BCO1: variants seen among roughly 807,000 people sequenced by gnomAD.
BCO1 encodes beta,beta-carotene 15,15'-dioxygenase.
A neutral mutation model predicts 56.3 loss-of-function variants in BCO1; 54 were observed. The observed-to-expected ratio is 0.96, with a 90% confidence interval of 0.77 to 1.20. The LOEUF is 1.20. Ranked by LOEUF, BCO1 falls within the 50% of genes most tolerant of loss-of-function variation. The probability of loss-of-function intolerance (pLI) is 0.00; values close to 1 mark genes in which losing one functional copy is unlikely to be tolerated. For missense variants in BCO1, 801 were observed against 690.9 expected, an observed-to-expected ratio of 1.16 and a Z score of -1.79; for synonymous variants, 318 against 266.1, an observed-to-expected ratio of 1.20 and a Z score of -1.90.
At position 81,291,123 on chromosome 16, in the gene BCO1, A is replaced by T. The variant is rs1043138793; in HGVS notation, c.*546A>T. On this transcript the variant is annotated 3_prime_UTR_variant, in exon 11 of 11. Coordinates refer to ENST00000258168, the MANE Select transcript of BCO1 (RefSeq NM_017429.3). The stretch of plus-strand genomic sequence containing the variant: ...TGCAAGTCATGGCGTAATATAAAAT[A>T]ATAAAAACTTTAAAGTCTGCTCAGA... 1.3e-5 allele frequency: 2 copies of T among 153,538 alleles called. No homozygotes were observed. Among genetic ancestry groups the T allele is most frequent in the African/African-American group, 2.4e-5 (1 of 41,464 alleles). 9.5% of individuals were successfully genotyped at this position (153,538 alleles called of 1,614,324 possible).
intron 5 of BCO1, among the ~76,000 whole-genome samples, chr16:81,266,880 C>T (rs542093291): frequency 9.9e-5 from 15 of 152,158 alleles, no homozygotes; most frequent in East Asian, 3.8e-4. Flanking sequence ...TTTATAAAGA[C>T]GATAACTATC....
intron 9 of BCO1, 151 bp from the exon 10 acceptor site, chr16:81,287,144 A>C (rs1004909143): frequency 1.4e-6 from 1 of 698,086 alleles, no homozygotes; most frequent in African/African-American, 1.8e-5. Context: ...GGCTGTGCTC[A>C]CCAGAGGTAG....
chr16:81,249,107 T>C (rs2151928703), intron 2 of BCO1, among the ~76,000 whole-genome samples: 1 of 149,550 alleles, frequency 6.7e-6, no homozygotes, highest in East Asian at 1.9e-4. Context: ...TTTTTTTTTT[T>C]TGAGATGGAG....
At chr16:81,289,545 G>T (rs981820577) in intron 10 of BCO1, among the ~76,000 whole-genome samples, 1 of 152,162 alleles carries the variant, frequency 6.6e-6, no homozygotes, top group Non-Finnish European at 1.5e-5. Context: ...GAGGGCTGAA[G>T]TGGGAGGATA....
At position 81,290,497 on chromosome 16, in the gene BCO1, G is replaced by A. The variant is rs372672097; in HGVS notation, c.1564G>A (p.Asp522Asn). The A allele has an allele frequency of 1.9e-6, 3 of 1,614,170 alleles. No individual in the cohort carries two copies. Among genetic ancestry groups the A allele is most frequent in the Non-Finnish European group, 2.5e-6 (3 of 1,180,038 alleles). Residue 522 changes from aspartate (D) to asparagine (N), a missense_variant, in exon 11 of 11, where the codon GAC becomes AAC. Asp to Asn is a conservative substitution (Grantham distance 23, BLOSUM62 1). Coordinates refer to ENST00000258168, the MANE Select transcript of BCO1 (RefSeq NM_017429.3). ...CCATGGATTATTCATTACAGACATG[G>A]ACTGGGACACAAAAAAGCAGGCCGC... ...DLHGLFITDMDWDTKKQAASE... is the reference protein window; with the variant it reads ...DLHGLFITDMNWDTKKQAASE...
chr16:81,250,578 C>CGTTTTTTTTTTTT (rs1905729028), intron 2 of BCO1, among the ~76,000 whole-genome samples: 1 of 105,478 alleles, frequency 9.5e-6, no homozygotes, highest in African/African-American at 3.8e-5. Context: ...CTCAATAAAG[C>CGTTTTTTTTTTTT]TTTTTTTTTT....
intron 2 of BCO1, 81 bp downstream of exon 2, chr16:81,245,684 C>A (rs1039526335): frequency 1.9e-5 from 30 of 1,573,124 alleles, no homozygotes; most frequent in African/African-American, 4.1e-5. Context: ...CAAATTTATT[C>A]TTTTAGGGAT....
intron 8 of BCO1, 80 bp from the exon 9 acceptor site, chr16:81,285,460 G>C (rs1448181119): frequency 1.9e-6 from 2 of 1,038,638 alleles, no homozygotes; most frequent in African/African-American, 3.1e-5. Context: ...CTGAGGAAAG[G>C]CTACCCAATC....
intron 1 of BCO1, among the ~76,000 whole-genome samples, chr16:81,243,312 G>T (rs1443225507): frequency 6.6e-6 from 1 of 152,114 alleles, no homozygotes; most frequent in Admixed American, 6.5e-5. Context: ...TTCTTCTGAG[G>T]ATTAGATCAG....
intron 7 of BCO1, among the ~76,000 whole-genome samples, chr16:81,276,532 G>A (rs1476720151): frequency 6.6e-6 from 1 of 152,240 alleles, no homozygotes; most frequent in Non-Finnish European, 1.5e-5. Flanking sequence ...AGTGAGGGAT[G>A]GAGCCTGGGA....
At chr16:81,248,668 A>G (rs909576944) in intron 2 of BCO1, among the ~76,000 whole-genome samples, 17 of 152,088 alleles carry the variant, frequency 1.1e-4, no homozygotes, top group Non-Finnish European at 1.9e-4. Context: ...GAAGTTCCCA[A>G]TGATTCTTGG....
At chr16:81,243,753 C>T (rs965028710) in intron 1 of BCO1, among the ~76,000 whole-genome samples, 2 of 152,146 alleles carry the variant, frequency 1.3e-5, no homozygotes, top group Admixed American at 6.5e-5. Flanking sequence ...AGGTATGCCT[C>T]GGCATGCCCA....
At chr16:81,273,511 G>A (rs1053609099) in intron 7 of BCO1, among the ~76,000 whole-genome samples, 15 of 152,088 alleles carry the variant, frequency 9.9e-5, no homozygotes, top group African/African-American at 3.6e-4. Flanking sequence ...TTTGAACTGA[G>A]GTTTGTCTGA....
At chr16:81,256,284 T>G (rs773924702) in intron 2 of BCO1, among the ~76,000 whole-genome samples, 1 of 152,116 alleles carries the variant, frequency 6.6e-6, no homozygotes, top group African/African-American at 2.4e-5. Context: ...TCCTAAGATA[T>G]CAAAAGGCAC....
At chr16:81,256,850 T>G (rs1033316243) in intron 2 of BCO1, among the ~76,000 whole-genome samples, 14 of 151,672 alleles carry the variant, frequency 9.2e-5, no homozygotes, top group Non-Finnish European at 2.1e-4. Context: ...ATCGTACCAC[T>G]GGACTCCAGC....
intron 2 of BCO1, among the ~76,000 whole-genome samples, chr16:81,253,965 A>G (rs1905968542): frequency 6.6e-6 from 1 of 152,112 alleles, no homozygotes; most frequent in South Asian, 2.1e-4. Context: ...TCTCACAAAG[A>G]AAGGAGAAAG....
chr16:81,261,687 T>C (rs1906489138), intron 3 of BCO1, among the ~76,000 whole-genome samples: 1 of 152,168 alleles, frequency 6.6e-6, no homozygotes, highest in Admixed American at 6.5e-5. Context: ...TTCTTAGGAT[T>C]CCTCAGGTGA....
intron 7 of BCO1, among the ~76,000 whole-genome samples, chr16:81,275,104 A>G (rs1907473738): frequency 6.6e-6 from 1 of 152,226 alleles, no homozygotes; most frequent in South Asian, 2.1e-4. Context: ...AGAGCCTTAC[A>G]TGCCCTGATC....
intron 2 of BCO1, among the ~76,000 whole-genome samples, chr16:81,255,508 T>A (rs1016088056): frequency 6.6e-6 from 1 of 151,506 alleles, no homozygotes; most frequent in Non-Finnish European, 1.5e-5. Context: ...TTTTTATTTT[T>A]TATTTTTTTG....
Sources: allele counts gnomAD v4.1 joint callset (sites outside exome capture counted in the v4.1 genomes callset), GRCh38; gene constraint gnomAD v4.1.1; transcripts MANE v1.5; gene names NCBI Gene and HGNC (gene_info 2026-07-23, HGNC 2026-07-21).